The following DNAH17 variants were observed in gnomAD, a reference collection of about 807,000 sequenced individuals.
The protein encoded by DNAH17 is dynein axonemal heavy chain 17, also known as axonemal beta dynein heavy chain 17.
DNAH17 carries 376 observed loss-of-function variants against 485.6 expected under a neutral mutation model. The ratio of observed to expected loss-of-function variants is 0.77; its 90% confidence interval spans 0.71 to 0.84. The LOEUF (loss-of-function observed/expected upper bound fraction) is 0.84. DNAH17 is among the 40% of genes least tolerant of loss of function. The pLI, the probability that DNAH17 is intolerant of heterozygous loss-of-function variation, is 0.00. For synonymous variants in DNAH17, 3,031 were observed against 2,405.9 expected (o/e 1.26, Z -7.60); for missense variants, 6,370 against 5,839.3 (o/e 1.09, Z -2.96).
intron 48 of DNAH17, among the ~76,000 whole-genome samples, chr17:78,482,833 C>T (rs1441160728): frequency 6.6e-6 from 1 of 152,224 alleles, no homozygotes; most frequent in African/African-American, 2.4e-5. Flanking sequence ...TCTGCCACCC[C>T]TCCTGAAGAT....
chr17:78,565,276 GAAT>G (rs1184180468), intron 11 of DNAH17, among the ~76,000 whole-genome samples: 4 of 152,196 alleles, frequency 2.6e-5, no homozygotes, highest in African/African-American at 9.7e-5. Context: ...AAGTATAACT[GAAT>G]AATTTTTTCA....
At chr17:78,536,286 A>G (rs12952760) in intron 19 of DNAH17, among the ~76,000 whole-genome samples, 1 of 140,588 alleles carries the variant, frequency 7.1e-6, no homozygotes, top group Non-Finnish European at 1.5e-5. Flanking sequence ...AAAAATATAT[A>G]AAAAAAAAGA....
intron 11 of DNAH17, among the ~76,000 whole-genome samples, chr17:78,563,302 C>T (rs919842747): frequency 6.6e-6 from 1 of 152,094 alleles, no homozygotes; most frequent in African/African-American, 2.4e-5. Context: ...GACATGGAAA[C>T]GCTGGTGTCC....
At chr17:78,562,807 G>A (rs1028492873) in intron 11 of DNAH17, among the ~76,000 whole-genome samples, 1 of 152,196 alleles carries the variant, frequency 6.6e-6, no homozygotes. Flanking sequence ...ACCACCATCA[G>A]GAAATGTGTT....
At chr17:78,425,960 G>A (rs896630047) in intron 79 of DNAH17, among the ~76,000 whole-genome samples, 10 of 151,872 alleles carry the variant, frequency 6.6e-5, no homozygotes, top group Admixed American at 2.0e-4. Flanking sequence ...ATGGGGTTTC[G>A]CCATGTTGGC....
Position 78,506,864 on chromosome 17 carries a change from A to C in DNAH17, c.4677-18T>G. 6 of 1,613,816 alleles carry C rather than the reference A, an allele frequency of 3.7e-6. No individual in the cohort carries two copies. Among genetic ancestry groups the C allele is most frequent in the Non-Finnish European group, 5.1e-6 (6 of 1,179,822 alleles). Reference sequence around the variant, plus strand: ...TGGCCAAGCTGGGAGGAAGGAAGGAAGTAGAGGAGGCCGGTGACCCTACTC... The same window carrying C: ...TGGCCAAGCTGGGAGGAAGGAAGGACGTAGAGGAGGCCGGTGACCCTACTC... On this transcript the variant is annotated intron_variant, in intron 29 of 80. Coordinates refer to ENST00000389840, the MANE Select transcript of DNAH17 (RefSeq NM_173628.4).
intron 5 of DNAH17, 34 bp from the exon 6 acceptor site, chr17:78,571,067 G>A (rs758412260): frequency 2.6e-6 from 4 of 1,544,128 alleles, no homozygotes; most frequent in Non-Finnish European, 2.6e-6. Flanking sequence ...CCACCGGTAA[G>A]AGAGCAGAAA....
chr17:78,459,175 C>T lies in DNAH17; in HGVS notation c.9687G>A (p.Glu3229=). 6.2e-7 allele frequency: 1 copy of T among 1,613,946 alleles called. No homozygotes were observed. Among genetic ancestry groups the T allele is most frequent in the Non-Finnish European group, 8.5e-7 (1 of 1,179,898 alleles). Reference sequence around the variant, plus strand: ...CGGCCGTGGACTTGGAGCGGATGAACTCGGGGTCGAACGTCGGGTTGCCTT... The same window carrying T: ...CGGCCGTGGACTTGGAGCGGATGAATTCGGGGTCGAACGTCGGGTTGCCTT... ...PYQGNPTFDP[E]FIRSKSTAAA... is the part of the protein sequence containing the mutation. The change falls in exon 61 of 81, where the codon GAG becomes GAA. Residue 3229 remains glutamate (E), a synonymous_variant. Transcript: ENST00000389840.
Position 78,572,766 on chromosome 17 carries a change from G to A in DNAH17, c.474C>T (p.Gly158=). ...EMFVMSGKIK[G]KTLLPIPEHL... is the part of the protein sequence containing the mutation. Reference sequence around the variant, plus strand: ...GCTCCGGAATAGGCAGCAAGGTTTTGCCTTTGATCTTGCCACTCATCACAA... The same window carrying A: ...GCTCCGGAATAGGCAGCAAGGTTTTACCTTTGATCTTGCCACTCATCACAA... The change falls in exon 3 of 81, where the codon GGC becomes GGT. Residue 158 remains glycine, a synonymous_variant. Transcript: ENST00000389840. 4 of 1,613,482 alleles carry A rather than the reference G, an allele frequency of 2.5e-6. No individual in the cohort carries two copies. The highest frequency in any genetic ancestry group is 3.4e-6 in the Non-Finnish European group (4 of 1,179,740).
At chr17:78,570,081 G>A (rs1050702472) in intron 7 of DNAH17, among the ~76,000 whole-genome samples, 166 bp downstream of exon 7, 1 of 152,184 alleles carries the variant, frequency 6.6e-6, no homozygotes, top group East Asian at 1.9e-4. Flanking sequence ...ACTCTAGGTA[G>A]CCTTGAAGAG....
chr17:78,553,810 C>CT lies in DNAH17; in HGVS notation c.2179-1006dup, dbSNP rs150943574. ...AGGTTGGTGTAAAAGTAATTGCCAT[C>CT]TTTTCCGTTACTTTTAATACATAAA... On this transcript the variant is annotated intron_variant, in intron 14 of 80. Coordinates refer to ENST00000389840, the MANE Select transcript of DNAH17 (RefSeq NM_173628.4). 3.7e-3 allele frequency among the ~76,000 whole-genome samples: 561 copies of CT among 152,278 alleles called. 4 individuals are homozygous for CT. Among genetic ancestry groups the CT allele is most frequent in the African/African-American group, 0.013 (539 of 41,556 alleles).
chr17:78,502,476 G>A (rs920056359), intron 33 of DNAH17, 115 bp downstream of exon 33: 12 of 1,038,104 alleles, frequency 1.2e-5, no homozygotes, highest in African/African-American at 6.5e-5. Context: ...CTCAGCCTCC[G>A]AGAAGAAGCC....
intron 69 of DNAH17, among the ~76,000 whole-genome samples, chr17:78,446,184 A>AAAAT (rs2087288838): frequency 6.7e-6 from 1 of 149,638 alleles, no homozygotes; most frequent in African/African-American, 2.5e-5. Context: ...AAAAAAAAAA[A>AAAAT]AAAAAAAAAA....
rs565333034 is a variant in DNAH17 at position 78,542,124 on chromosome 17, C to G, written c.2532+1733G>C. Among the ~76,000 whole-genome samples, 840 of 145,948 alleles carry G rather than the reference C, an allele frequency of 5.8e-3. 4 individuals are homozygous for G. The highest frequency in any genetic ancestry group is 0.017 in the African/African-American group (627 of 37,332). On this transcript the variant is annotated intron_variant, in intron 17 of 80. Transcript: ENST00000389840. ...CACCACCCACTGGAAACCGCCCCCC[C>G]CAAAAACTGCCCTAAAATACTTTTT...
At position 78,448,915 on chromosome 17, in the gene DNAH17, T is replaced by A. The variant is rs77997478; in HGVS notation, c.11211+499A>T. 4.9e-3 allele frequency among the ~76,000 whole-genome samples: 749 copies of A among 152,352 alleles called. 4 individuals are homozygous for A. The highest frequency in any genetic ancestry group is 0.017 in the African/African-American group (722 of 41,584). ...AAATAAATTTCTATTGTTTATAGATTACTCAGCCTTGGGTATTCTGTTATA... is the reference window on the plus strand; with the variant it reads ...AAATAAATTTCTATTGTTTATAGATAACTCAGCCTTGGGTATTCTGTTATA... On this transcript the variant is annotated intron_variant, in intron 69 of 80. Transcript: ENST00000389840.
chr17:78,527,033 ATTTCT>A (rs2091097494), intron 22 of DNAH17, 37 bp from the exon 23 acceptor site: 1 of 1,484,752 alleles, frequency 6.7e-7, no homozygotes, highest in African/African-American at 1.4e-5. Context: ...CTCCTTTCTC[ATTTCT>A]TTTCTTAAAC....
At chr17:78,508,078 G>A (rs2090537197) in intron 27 of DNAH17, among the ~76,000 whole-genome samples, 1 of 152,166 alleles carries the variant, frequency 6.6e-6, no homozygotes, top group East Asian at 1.9e-4. Flanking sequence ...GAAGACCCTA[G>A]GCTGAGTGAA....
At chr17:78,465,615 G>C (rs1005042664) in intron 56 of DNAH17, among the ~76,000 whole-genome samples, 1 of 150,970 alleles carries the variant, frequency 6.6e-6, no homozygotes, top group Non-Finnish European at 1.5e-5. Flanking sequence ...GCCTCTGCCC[G>C]GCCGAGACCC....
At chr17:78,491,853 G>A (rs1180152506) in intron 42 of DNAH17, among the ~76,000 whole-genome samples, 1 of 152,172 alleles carries the variant, frequency 6.6e-6, no homozygotes, top group Non-Finnish European at 1.5e-5. Context: ...AGTTTTTCCA[G>A]GCTCAACATC....
Sources: allele counts gnomAD v4.1 joint callset (sites outside exome capture counted in the v4.1 genomes callset), GRCh38; gene constraint gnomAD v4.1.1; transcripts MANE v1.5; gene names NCBI Gene and HGNC (gene_info 2026-07-23, HGNC 2026-07-21).